FAM78A: variants seen among roughly 807,000 people sequenced by gnomAD.
FAM78A encodes protein FAM78A.
In FAM78A, 12 loss-of-function variants were observed where a neutral mutation model predicts 22.6. That is an observed-to-expected ratio of 0.53 (90% CI 0.34 to 0.86). FAM78A has a LOEUF of 0.86. Among genes scored for constraint, FAM78A ranks in the 40% least tolerant of loss-of-function variants. The pLI, the probability that FAM78A is intolerant of heterozygous loss-of-function variation, is 0.02. For missense variants in FAM78A, 322 were observed against 396.1 expected (o/e 0.81, Z 1.59); for synonymous variants, 151 against 155.8 (o/e 0.97, Z 0.23).
At chr9:131,270,670 G>C (rs749075744) in intron 1 of FAM78A, 1 of 599,556 alleles carries the variant, frequency 1.7e-6, no homozygotes, top group Admixed American at 2.5e-5. Context: ...GCCGCCTTCC[G>C]GTTACAGAGA....
intron 1 of FAM78A, among the ~76,000 whole-genome samples, chr9:131,271,726 G>A: frequency 6.6e-6 from 1 of 152,272 alleles, no homozygotes; most frequent in Non-Finnish European, 1.5e-5. Context: ...TGTGGGCCAG[G>A]TTCCCAGGGG....
Position 131,260,823 on chromosome 9 carries a change from C to T in FAM78A, c.851G>A (p.Ter284=). 1 of 1,516,288 alleles carries T rather than the reference C, an allele frequency of 6.6e-7. No individual in the cohort carries two copies. The highest frequency in any genetic ancestry group is 8.8e-7 in the Non-Finnish European group (1 of 1,133,100). 93.9% of individuals were successfully genotyped at this position (1,516,288 alleles called of 1,614,324 possible). The change falls in exon 2 of 2, where the codon TGA becomes TAA. Residue 284 remains the stop codon, a stop_retained_variant. Coordinates refer to ENST00000372271, the MANE Select transcript of FAM78A (RefSeq NM_033387.4). The surrounding 1 kb of genome is among the most constrained non-coding windows in gnomAD (Gnocchi z 5.4). ...TAACCTAGCGGGTGGTCCTGGCTGTCACCGGTGCTTGGGCGGGATCACCAC... is the reference window on the plus strand; with the variant it reads ...TAACCTAGCGGGTGGTCCTGGCTGTTACCGGTGCTTGGGCGGGATCACCAC... ...PLVVIPPKHR[*] is the part of the protein sequence containing the mutation.
Position 131,260,682 on chromosome 9 carries a change from G to C in FAM78A, c.*140C>G, listed in dbSNP as rs370003700. The C allele has an allele frequency of 7.5e-6, 8 of 1,065,450 alleles. No individual in the cohort carries two copies. The highest frequency in any genetic ancestry group is 6.3e-5 in the Admixed American group (2 of 31,856). The allele number at this position is 1,065,450 out of a possible 1,614,324, so 66.0% of individuals were successfully genotyped here. A position where few individuals can be genotyped will look rare whatever the true frequency, so the allele number is the denominator to read the frequency against. On this transcript the variant is annotated 3_prime_UTR_variant, in exon 2 of 2. Coordinates refer to ENST00000372271, the MANE Select transcript of FAM78A (RefSeq NM_033387.4). The surrounding 1 kb of genome is among the most constrained non-coding windows in gnomAD (Gnocchi z 5.4). The stretch of plus-strand genomic sequence containing the variant: ...TGCCGAGAGCCGGGGAGGCCTTCCC[G>C]GGGGCATCAGCACAGTGAGATCCGC...
Position 131,262,980 on chromosome 9 carries a change from C to T in FAM78A, c.324-1630G>A, listed in dbSNP as rs566704101. 2.6e-5 allele frequency among the ~76,000 whole-genome samples: 4 copies of T among 152,246 alleles called. No individual in the cohort carries two copies. The South Asian group carries it at 6.2e-4, about 24-fold the overall frequency. On this transcript the variant is annotated intron_variant, in intron 1 of 1. Coordinates refer to ENST00000372271, the MANE Select transcript of FAM78A (RefSeq NM_033387.4). ...CTGGGCTGGGCGCAGTGGCTCACAC[C>T]TGCAATCCCAGCACTTTGTTAGGCC...
chr9:131,261,034 G>C lies in FAM78A; in HGVS notation c.640C>G (p.Gln214Glu). The stretch of plus-strand genomic sequence containing the variant: ...TTGGGGTTCACCTCGATGCTGAGCT[G>C]CATGCGCCAGTGCAGCGTCTGCAGG... ...IILQTLHWRMQLSIEVNPNRP... is the reference protein window; with the variant it reads ...IILQTLHWRMELSIEVNPNRP... The change falls in exon 2 of 2, where the codon CAG becomes GAG. Residue 214 changes from glutamine (Q) to glutamate (E), a missense_variant. Gln to Glu is a conservative substitution (Grantham distance 29). Coordinates refer to ENST00000372271, the MANE Select transcript of FAM78A (RefSeq NM_033387.4). This position sits in a 1 kb window ranked among gnomAD's most constrained non-coding sequence, Gnocchi z 7.1. The C allele has an allele frequency of 6.2e-7, 1 of 1,614,122 alleles. No individual in the cohort carries two copies. Among genetic ancestry groups the C allele is most frequent in the Non-Finnish European group, 8.5e-7 (1 of 1,180,022 alleles).
Position 131,260,729 on chromosome 9 carries a change from T to G in FAM78A, c.*93A>C. The G allele has an allele frequency of 1.4e-6, 2 of 1,435,212 alleles. No homozygotes were observed. Among genetic ancestry groups the G allele is most frequent in the South Asian group, 1.4e-5 (1 of 71,190 alleles). The allele number at this position is 1,435,212 out of a possible 1,614,324, so 88.9% of individuals were successfully genotyped here. A position where few individuals can be genotyped will look rare whatever the true frequency, so the allele number is the denominator to read the frequency against. Reference sequence around the variant, plus strand: ...CCGCCCGCTGGAGAGGGTAGAATGGTTGTATCTTGCTGAATGACTGAAGAG... The same window carrying G: ...CCGCCCGCTGGAGAGGGTAGAATGGGTGTATCTTGCTGAATGACTGAAGAG... On this transcript the variant is annotated 3_prime_UTR_variant, in exon 2 of 2. Coordinates refer to ENST00000372271, the MANE Select transcript of FAM78A (RefSeq NM_033387.4). This position sits in a 1 kb window ranked among gnomAD's most constrained non-coding sequence, Gnocchi z 5.4.
At chr9:131,269,903 TA>T (rs1835395307) in intron 1 of FAM78A, among the ~76,000 whole-genome samples, 1 of 151,866 alleles carries the variant, frequency 6.6e-6, no homozygotes, top group Non-Finnish European at 1.5e-5. Context: ...CAAGAGGCTC[TA>T]AAAGTACAGG....
At chr9:131,273,855 G>A (rs773608423) in intron 1 of FAM78A, among the ~76,000 whole-genome samples, 2 of 152,230 alleles carry the variant, frequency 1.3e-5, no homozygotes, top group Non-Finnish European at 2.9e-5. Context: ...AGGGGTTCTT[G>A]CCAGCCCCAG....
Position 131,260,912 on chromosome 9 carries a change from C to G in FAM78A, c.762G>C (p.Leu254=). 1 of 1,585,556 alleles carries G rather than the reference C, an allele frequency of 6.3e-7. No homozygotes were observed. The highest frequency in any genetic ancestry group is 1.1e-5 in the South Asian group (1 of 87,694). The change falls in exon 2 of 2, where the codon CTG becomes CTC. Residue 254 remains leucine, a synonymous_variant. Coordinates refer to ENST00000372271, the MANE Select transcript of FAM78A (RefSeq NM_033387.4). The surrounding 1 kb of genome is among the most constrained non-coding windows in gnomAD (Gnocchi z 5.4). ...GGGCATCGTTGGCATTGGGCTTGACCAGGGCGCTGGGCGGGATGGGCTCAT... is the reference window on the plus strand; with the variant it reads ...GGGCATCGTTGGCATTGGGCTTGACGAGGGCGCTGGGCGGGATGGGCTCAT... ...SKNEPIPPSA[L]VKPNANDAQV... is the part of the protein sequence containing the mutation.
upstream of FAM78A, among the ~76,000 whole-genome samples, chr9:131,276,911 G>A (rs891550265): frequency 1.3e-5 from 2 of 149,162 alleles, no homozygotes; most frequent in African/African-American, 4.9e-5. This position sits in a 1 kb window ranked among gnomAD's most constrained non-coding sequence, Gnocchi z 4.3. Context: ...CGCTCCGGCC[G>A]CCGCCGCCTG....
chr9:131,274,155 G>A lies in FAM78A; in HGVS notation c.323+1702C>T, dbSNP rs1369714727. On this transcript the variant is annotated intron_variant, in intron 1 of 1. Transcript: ENST00000372271. The surrounding 1 kb of genome is among the most constrained non-coding windows in gnomAD (Gnocchi z 4.2). Reference sequence around the variant, plus strand: ...ACAGATGGGGAAGCTGAGGCTTGGAGTCTGTACCTTGGGTCAGGCCTGTGG... The same window carrying A: ...ACAGATGGGGAAGCTGAGGCTTGGAATCTGTACCTTGGGTCAGGCCTGTGG... 6.6e-6 allele frequency among the ~76,000 whole-genome samples: 1 copy of A among 152,256 alleles called. No individual in the cohort carries two copies. The highest frequency in any genetic ancestry group is 2.4e-5 in the African/African-American group (1 of 41,472).
chr9:131,272,352 C>T lies in FAM78A; in HGVS notation c.323+3505G>A, dbSNP rs1022122444. Among the ~76,000 whole-genome samples the T allele has an allele frequency of 6.6e-6, 1 of 152,198 alleles. No individual in the cohort carries two copies. The highest frequency in any genetic ancestry group is 1.5e-5 in the Non-Finnish European group (1 of 68,032). On this transcript the variant is annotated intron_variant, in intron 1 of 1. Transcript: ENST00000372271. This position sits in a 1 kb window ranked among gnomAD's most constrained non-coding sequence, Gnocchi z 4.1. ...CATAGCCCCTCCTGGGGACATCAGG[C>T]CCTCCCTGGGGACATTATTGACTGT...
chr9:131,259,449 C>A lies in FAM78A; in HGVS notation c.*1373G>T. The A allele has an allele frequency of 6.6e-6, 1 of 152,452 alleles. No individual in the cohort carries two copies. Among genetic ancestry groups the A allele is most frequent in the Non-Finnish European group, 1.5e-5 (1 of 68,138 alleles). The allele number at this position is 152,452 out of a possible 1,614,324, so 9.4% of individuals were successfully genotyped here. ...CTCGACGATAAGCCCACCCAGCCCTCCCAGCCCTTGGCCTGGATTCACTTA... is the reference window on the plus strand; with the variant it reads ...CTCGACGATAAGCCCACCCAGCCCTACCAGCCCTTGGCCTGGATTCACTTA... On this transcript the variant is annotated 3_prime_UTR_variant, in exon 2 of 2. Coordinates refer to ENST00000372271, the MANE Select transcript of FAM78A (RefSeq NM_033387.4).
Position 131,275,934 on chromosome 9 carries a change from C to A in FAM78A, c.246G>T (p.Lys82Asn), listed in dbSNP as rs888932021. Reference sequence around the variant, plus strand: ...TCCAGCCAACTACCCAAGTCTCCTTCTTGGGGATGGGCGGCATGACCACCT... The same window carrying A: ...TCCAGCCAACTACCCAAGTCTCCTTATTGGGGATGGGCGGCATGACCACCT... The part of the protein sequence containing the change: ...SAQVVMPPIP[K>N]KETWVVGWIQ... Residue 82 changes from lysine to asparagine, a missense_variant, in exon 1 of 2, where the codon AAG becomes AAT. Coordinates refer to ENST00000372271, the MANE Select transcript of FAM78A (RefSeq NM_033387.4). The surrounding 1 kb of genome is among the most constrained non-coding windows in gnomAD (Gnocchi z 4.6). 1 of 1,613,448 alleles carries A rather than the reference C, an allele frequency of 6.2e-7. No individual in the cohort carries two copies. Among genetic ancestry groups the A allele is most frequent in the Non-Finnish European group, 8.5e-7 (1 of 1,179,970 alleles).
rs114781163 is a variant in FAM78A, at chr9:131,274,401, C to T, written c.323+1456G>A. ...TAAGCGTTCTTAGAAAAGGTCCTCA[C>T]TGCATAACTAAGAATCATGTTTCCC... On this transcript the variant is annotated intron_variant, in intron 1 of 1. Transcript: ENST00000372271. The surrounding 1 kb of genome is among the most constrained non-coding windows in gnomAD (Gnocchi z 4.2). 1.0e-3 allele frequency among the ~76,000 whole-genome samples: 157 copies of T among 152,356 alleles called. No individual in the cohort carries two copies. The highest frequency in any genetic ancestry group is 3.1e-3 in the African/African-American group (128 of 41,576).
rs937782196 is a variant in FAM78A, at chr9:131,258,828, C to G, written c.*1994G>C. On this transcript the variant is annotated 3_prime_UTR_variant, in exon 2 of 2. Transcript: ENST00000372271. ...CTTTCGGGGTGGCACGGCCTCCATC[C>G]TCACAAGAGAACCTGCAGTTTCTGC... is the stretch of plus-strand genomic sequence containing the variant. 5.3e-5 allele frequency: 8 copies of G among 152,280 alleles called. No homozygotes were observed. Among genetic ancestry groups the G allele is most frequent in the African/African-American group, 1.9e-4 (8 of 41,460 alleles). 9.4% of individuals were successfully genotyped at this position (152,280 alleles called of 1,614,324 possible).
chr9:131,275,875 T>G lies in FAM78A; in HGVS notation c.305A>C (p.Gln102Pro). Residue 102 changes from glutamine to proline, a missense_variant, in exon 1 of 2, where the codon CAG becomes CCG. Coordinates refer to ENST00000372271, the MANE Select transcript of FAM78A (RefSeq NM_033387.4). The surrounding 1 kb of genome is among the most constrained non-coding windows in gnomAD (Gnocchi z 4.6). The stretch of plus-strand genomic sequence containing the variant: ...TACTCACATGCCCTGCTCGCCGTAC[T>G]GGTTGTAGAACTCCATGTGGCTGCA... Reference protein sequence around the residue: ...QACSHMEFYNQYGEQGMSSWE... With the variant: ...QACSHMEFYNPYGEQGMSSWE... 2 of 1,597,742 alleles carry G rather than the reference T, an allele frequency of 1.3e-6. No individual in the cohort carries two copies. The highest frequency in any genetic ancestry group is 1.7e-6 in the Non-Finnish European group (2 of 1,169,744).
chr9:131,270,744 C>A (rs570395637), intron 1 of FAM78A, among the ~76,000 whole-genome samples: 1 of 152,200 alleles, frequency 6.6e-6, no homozygotes, highest in East Asian at 1.9e-4. Context: ...CAGGAAGAGG[C>A]CACGTGGTCA....
At chr9:131,262,395 G>A (rs1350532425) in intron 1 of FAM78A, among the ~76,000 whole-genome samples, 1 of 150,964 alleles carries the variant, frequency 6.6e-6, no homozygotes. Flanking sequence ...AGAATTGCTT[G>A]AACCTGGGAG....
Sources: gnomAD v4.1 joint callset for allele counts (sites outside exome capture counted in the v4.1 genomes callset) on GRCh38, gnomAD v4.1.1 for gene constraint, Gnocchi (gnomAD v3.1) non-coding constraint, MANE v1.5 for transcripts, NCBI Gene and HGNC (gene_info 2026-07-23, HGNC 2026-07-21) for gene names.